The following ROBO1 variants were observed in gnomAD, a reference collection of about 807,000 sequenced individuals.
ROBO1 encodes the protein roundabout homolog 1.
A neutral mutation model predicts 195.9 loss-of-function variants in ROBO1; 149 were observed. That is an observed-to-expected ratio of 0.76 (90% CI 0.67 to 0.87). The LOEUF is 0.87. ROBO1 is among the 40% of genes least tolerant of loss of function. The pLI, the probability that ROBO1 is intolerant of heterozygous loss-of-function variation, is 0.00. For synonymous variants in ROBO1, 816 were observed against 733.2 expected, an observed-to-expected ratio of 1.11 and a Z score of -1.82; for missense variants, 1,933 against 2,068.3, an observed-to-expected ratio of 0.93 and a Z score of 1.27.
intron 2 of ROBO1, among the ~76,000 whole-genome samples, chr3:79,513,058 T>G (rs559119551): frequency 6.6e-6 from 1 of 152,238 alleles, no homozygotes; most frequent in East Asian, 1.9e-4. Context: ...TCATTTCAGA[T>G]TACTGATCTG....
chr3:79,586,126 T>C (rs1257065920), intron 2 of ROBO1, among the ~76,000 whole-genome samples: 1 of 151,960 alleles, frequency 6.6e-6, no homozygotes, highest in African/African-American at 2.4e-5. Context: ...TCAAAGGAGA[T>C]TTTTTAAAAT....
At chr3:78,892,427 T>C (rs2036960383) in intron 4 of ROBO1, among the ~76,000 whole-genome samples, 1 of 152,186 alleles carries the variant, frequency 6.6e-6, no homozygotes, top group Non-Finnish European at 1.5e-5. Flanking sequence ...CCAGCCCTGA[T>C]TGGCCAGATT....
intron 4 of ROBO1, among the ~76,000 whole-genome samples, chr3:78,815,917 T>C (rs2084887003): frequency 6.6e-6 from 1 of 151,910 alleles, no homozygotes; most frequent in African/African-American, 2.4e-5. Flanking sequence ...ATAATGCATA[T>C]AGAGATACAC....
intron 4 of ROBO1, among the ~76,000 whole-genome samples, chr3:78,877,992 TTGAACCTGCTG>T (rs1559953986): frequency 3.3e-5 from 5 of 152,168 alleles, no homozygotes; most frequent in Non-Finnish European, 7.4e-5. Context: ...CGACAGCCTC[TTGAACCTGCTG>T]GATGACGTTT....
intron 10 of ROBO1, among the ~76,000 whole-genome samples, chr3:78,683,129 T>C (rs1284929917): frequency 2.7e-5 from 4 of 150,000 alleles, no homozygotes; most frequent in South Asian, 4.2e-4. Flanking sequence ...GTTTTGTAGA[T>C]ACACACACAC....
intron 2 of ROBO1, among the ~76,000 whole-genome samples, chr3:79,458,138 T>G (rs1200523402): frequency 6.6e-6 from 1 of 152,092 alleles, no homozygotes; most frequent in African/African-American, 2.4e-5. Context: ...AAAAAAATGT[T>G]GATTATGCCT....
chr3:79,550,863 C>A (rs1428279787), intron 2 of ROBO1, among the ~76,000 whole-genome samples: 1 of 152,160 alleles, frequency 6.6e-6, no homozygotes, highest in Non-Finnish European at 1.5e-5. Context: ...CCTCCAAAGC[C>A]TTAATCCCCA....
At chr3:79,405,682 A>G (rs2037518617) in intron 2 of ROBO1, among the ~76,000 whole-genome samples, 1 of 152,216 alleles carries the variant, frequency 6.6e-6, no homozygotes, top group Non-Finnish European at 1.5e-5. Flanking sequence ...AATAATAAAG[A>G]CAAATTCTTT....
At chr3:78,734,492 T>C (rs549194800) in intron 5 of ROBO1, among the ~76,000 whole-genome samples, 21 of 151,668 alleles carry the variant, frequency 1.4e-4, no homozygotes, top group Non-Finnish European at 2.6e-4. Flanking sequence ...GCCCAGGAGA[T>C]TGAGGCTGCA....
At chr3:79,681,173 C>T (rs59922540) in intron 1 of ROBO1, among the ~76,000 whole-genome samples, 1 of 151,876 alleles carries the variant, frequency 6.6e-6, no homozygotes, top group Non-Finnish European at 1.5e-5. Context: ...TGATAGATAA[C>T]GATGAAGGAG....
At chr3:79,731,718 G>A (rs1334777777) in intron 1 of ROBO1, among the ~76,000 whole-genome samples, 1 of 152,108 alleles carries the variant, frequency 6.6e-6, no homozygotes, top group Non-Finnish European at 1.5e-5. Context: ...ATATAATACA[G>A]ATGAAGCCCC....
chr3:79,337,809 T>C (rs2034738015), intron 2 of ROBO1, among the ~76,000 whole-genome samples: 1 of 152,138 alleles, frequency 6.6e-6, no homozygotes. Context: ...TTATACAAAA[T>C]AATAAAGGAA....
chr3:79,243,591 T>C (rs953474698), intron 2 of ROBO1, among the ~76,000 whole-genome samples: 1 of 152,190 alleles, frequency 6.6e-6, no homozygotes, highest in African/African-American at 2.4e-5. Flanking sequence ...CCAGTGATGA[T>C]GAGCATTTTT....
At chr3:78,718,551 TA>T (rs2081958981) in intron 5 of ROBO1, among the ~76,000 whole-genome samples, 1 of 152,002 alleles carries the variant, frequency 6.6e-6, no homozygotes, top group Non-Finnish European at 1.5e-5. Context: ...ATTAATTGAA[TA>T]AAAATTAATT....
chr3:79,173,666 G>A (rs185842132), intron 2 of ROBO1, among the ~76,000 whole-genome samples: 149 of 152,228 alleles, frequency 9.8e-4, no homozygotes, highest in Middle Eastern at 3.4e-3. Context: ...CCTGCTCCAC[G>A]GTGCCCAGTC....
chr3:79,089,774 G>A (rs370604475), intron 3 of ROBO1, among the ~76,000 whole-genome samples: 28 of 152,144 alleles, frequency 1.8e-4, no homozygotes, highest in East Asian at 1.4e-3. Context: ...ATAGATGAAC[G>A]CATTTGCATG....
intron 4 of ROBO1, among the ~76,000 whole-genome samples, chr3:78,937,393 GA>G (rs2039871359): frequency 6.6e-6 from 1 of 151,510 alleles, no homozygotes; most frequent in South Asian, 2.1e-4. Context: ...AATTATCTTG[GA>G]AAAACATCAT....
intron 2 of ROBO1, among the ~76,000 whole-genome samples, chr3:79,302,933 T>A (rs1301901702): frequency 2.0e-5 from 3 of 152,168 alleles, no homozygotes; most frequent in Non-Finnish European, 4.4e-5. Context: ...GTATCCTTTG[T>A]GTCACCCGTA....
At chr3:79,314,506 C>T (rs1295511592) in intron 2 of ROBO1, among the ~76,000 whole-genome samples, 1 of 152,190 alleles carries the variant, frequency 6.6e-6, no homozygotes, top group Non-Finnish European at 1.5e-5. Flanking sequence ...TCTCCTTCTG[C>T]CATGATTATG....
Sources: gnomAD v4.1 joint callset for allele counts (sites outside exome capture counted in the v4.1 genomes callset) on GRCh38, gnomAD v4.1.1 for gene constraint, MANE v1.5 for transcripts, NCBI Gene and HGNC (gene_info 2026-07-23, HGNC 2026-07-21) for gene names.